Variants in FLNC observed in about 807,000 individuals in gnomAD.
The protein encoded by FLNC is filamin-C.
FLNC carries 91 observed loss-of-function variants against 254.3 expected under a neutral mutation model. That is an observed-to-expected ratio of 0.36 (90% CI 0.30 to 0.43). The LOEUF (loss-of-function observed/expected upper bound fraction) is 0.43. Among genes scored for constraint, FLNC ranks in the 20% least tolerant of loss-of-function variants. The pLI is 1.00. For missense variants in FLNC, 2,853 were observed against 3,802.6 expected, an observed-to-expected ratio of 0.75 and a Z score of 6.57; for synonymous variants, 1,430 against 1,577.2, an observed-to-expected ratio of 0.91 and a Z score of 2.21.
intron 8 of FLNC, among the ~76,000 whole-genome samples, chr7:128,839,010 C>G (rs752696471): frequency 3.7e-4 from 57 of 152,258 alleles, no homozygotes; most frequent in Non-Finnish European, 7.5e-4. Flanking sequence ...GAGGGCTGAG[C>G]GGAAGTGACG....
intron 26 of FLNC, among the ~76,000 whole-genome samples, chr7:128,848,331 C>CACCTTCCTG (rs1808651451): frequency 6.6e-6 from 1 of 152,156 alleles, no homozygotes; most frequent in Admixed American, 6.5e-5. Flanking sequence ...CCTCCCACAG[C>CACCTTCCTG]ACCTTCCTGG....
intron 26 of FLNC, among the ~76,000 whole-genome samples, chr7:128,848,321 C>T (rs1808650935): frequency 6.6e-6 from 1 of 152,138 alleles, no homozygotes; most frequent in South Asian, 2.1e-4. Flanking sequence ...CCTCCTGGAC[C>T]CTCCCACAGC....
chr7:128,856,406 G>A lies in FLNC; in HGVS notation c.7252-112G>A. 1 of 1,412,176 alleles carries A rather than the reference G, an allele frequency of 7.1e-7. No individual in the cohort carries two copies. The highest frequency in any genetic ancestry group is 9.8e-7 in the Non-Finnish European group (1 of 1,015,988). 87.5% of individuals were successfully genotyped at this position (1,412,176 alleles called of 1,614,324 possible). A position where few individuals can be genotyped will look rare whatever the true frequency, so the allele number is the denominator to read the frequency against. ...CAGGCAGGGGCCAGGCTGGGCATGG[G>A]GTGGCAGCAGCCTTTGGGCTGGGCT... On this transcript the variant is annotated intron_variant, in intron 43 of 47. Transcript: ENST00000325888. The surrounding 1 kb of genome is among the most constrained non-coding windows in gnomAD (Gnocchi z 5.9).
At position 128,840,121 on chromosome 7, in the gene FLNC, G is replaced by A. The variant is rs1562993551; in HGVS notation, c.1510G>A (p.Ala504Thr). ...TGACTTCAAGGTGTTTACCAAGGGTGCCGGCAGCGGGGAGCTCAAGGTCAC... is the reference window on the plus strand; with the variant it reads ...TGACTTCAAGGTGTTTACCAAGGGTACCGGCAGCGGGGAGCTCAAGGTCAC... ...VADFKVFTKG[A>T]GSGELKVTVK... The change falls in exon 9 of 48, where the codon GCC becomes ACC. Residue 504 changes from alanine to threonine, a missense_variant. Ala to Thr is a moderately conservative substitution (Grantham distance 58). Coordinates refer to ENST00000325888, the MANE Select transcript of FLNC (RefSeq NM_001458.5). The A allele has an allele frequency of 2.5e-6, 4 of 1,614,110 alleles. No individual in the cohort carries two copies. Among genetic ancestry groups the A allele is most frequent in the Non-Finnish European group, 3.4e-6 (4 of 1,180,042 alleles).
intron 37 of FLNC, 128 bp from the exon 38 acceptor site, chr7:128,853,341 C>A: frequency 1.6e-6 from 2 of 1,217,126 alleles, no homozygotes; most frequent in Non-Finnish European, 2.4e-6. Flanking sequence ...CCCACTGAGC[C>A]ATTTTTGTTA....
chr7:128,853,918 C>T, intron 39 of FLNC, 56 bp from the exon 40 acceptor site: 2 of 1,613,136 alleles, frequency 1.2e-6, no homozygotes, highest in Admixed American at 3.3e-5. Flanking sequence ...CGGGCCTCCA[C>T]CCTGCTTCCT....
rs1809123444 is a variant in FLNC at position 128,857,646 on chromosome 7, T to TCGGTATTGAGCAAGC, written c.7780+311_7780+325dup. Among the ~76,000 whole-genome samples, 1 of 151,630 alleles carries TCGGTATTGAGCAAGC rather than the reference T, an allele frequency of 6.6e-6. No individual in the cohort carries two copies. The highest frequency in any genetic ancestry group is 6.5e-5 in the Admixed American group (1 of 15,278). ...ATTCCTCCGCTCCAAGAAGACACAG[T>TCGGTATTGAGCAAGC]CGGTATTGAGCAAGCTTCCCCTCTT... On this transcript the variant is annotated intron_variant, in intron 46 of 47. Transcript: ENST00000325888. The surrounding 1 kb of genome is among the most constrained non-coding windows in gnomAD (Gnocchi z 4.5).
chr7:128,845,956 C>G (rs773665983), intron 21 of FLNC, 34 bp from the exon 22 acceptor site: 16 of 1,608,898 alleles, frequency 9.9e-6, no homozygotes, highest in African/African-American at 1.3e-5. Context: ...AGGCTGCCCC[C>G]ACCCCTGCTG....
At chr7:128,831,015 G>A in intron 1 of FLNC, 26 bp downstream of exon 1, 1 of 1,597,268 alleles carries the variant, frequency 6.3e-7, no homozygotes, top group Non-Finnish European at 8.5e-7. Context: ...GAGGGCACGG[G>A]CGCTGCGGGG....
chr7:128,853,509 G>C lies in FLNC; in HGVS notation c.6249G>C (p.Lys2083Asn), dbSNP rs1170342172. 11 of 1,613,984 alleles carry C rather than the reference G, an allele frequency of 6.8e-6. No individual in the cohort carries two copies. Among genetic ancestry groups the C allele is most frequent in the Non-Finnish European group, 9.3e-6 (11 of 1,180,034 alleles). The change falls in exon 38 of 48, where the codon AAG becomes AAC. Residue 2083 changes from lysine (K) to asparagine (N), a missense_variant. Transcript: ENST00000325888. ...GLGLSIEGPSKVDINCEDMED... is the reference protein window; with the variant it reads ...GLGLSIEGPSNVDINCEDMED... ...GGCTGAGTATTGAAGGCCCAAGCAA[G>C]GTGGACATCAACTGTGAGGACATGG...
Position 128,856,493 on chromosome 7 carries a change from T to C in FLNC, c.7252-25T>C. ...CTCCAGCCCCGGCCTCCCAGGAGTCTGAGCATCCTCCGTGGCCTTTGCAGG... is the reference window on the plus strand; with the variant it reads ...CTCCAGCCCCGGCCTCCCAGGAGTCCGAGCATCCTCCGTGGCCTTTGCAGG... On this transcript the variant is annotated intron_variant, in intron 43 of 47. Transcript: ENST00000325888. This position sits in a 1 kb window ranked among gnomAD's most constrained non-coding sequence, Gnocchi z 5.9. 6.2e-7 allele frequency: 1 copy of C among 1,609,576 alleles called. No individual in the cohort carries two copies. Among genetic ancestry groups the C allele is most frequent in the South Asian group, 1.1e-5 (1 of 91,082 alleles).
chr7:128,857,172 C>G lies in FLNC; in HGVS notation c.7616C>G (p.Ser2539Cys). ...CTGAATGCCGGCTCGGGGGCCTTGT[C>G]TGTCACCATTGATGGCCCCTCCAAG... is the stretch of plus-strand genomic sequence containing the variant. ...NTLNAGSGALSVTIDGPSKVQ... is the reference protein window; with the variant it reads ...NTLNAGSGALCVTIDGPSKVQ... The change falls in exon 46 of 48, where the codon TCT becomes TGT. Residue 2539 changes from serine to cysteine, a missense_variant. Physicochemically the swap from Ser to Cys is moderately radical, Grantham distance 112. Transcript: ENST00000325888. This position sits in a 1 kb window ranked among gnomAD's most constrained non-coding sequence, Gnocchi z 4.5. The G allele has an allele frequency of 6.2e-7, 1 of 1,614,144 alleles. No individual in the cohort carries two copies. Among genetic ancestry groups the G allele is most frequent in the South Asian group, 1.1e-5 (1 of 91,090 alleles).
At chr7:128,845,750 G>C (rs562918429) in intron 21 of FLNC, among the ~76,000 whole-genome samples, 48 of 151,822 alleles carry the variant, frequency 3.2e-4, no homozygotes, top group Non-Finnish European at 6.0e-4. Context: ...CATGGAGAAG[G>C]GAGTGAAGGC....
chr7:128,834,315 C>G (rs898232328), intron 1 of FLNC, among the ~76,000 whole-genome samples: 4 of 150,342 alleles, frequency 2.7e-5, no homozygotes, highest in African/African-American at 7.4e-5. Flanking sequence ...CTAGGCGCCC[C>G]CCCCCCCCAA....
chr7:128,853,869 G>A, intron 39 of FLNC, 32 bp downstream of exon 39: 1 of 1,613,230 alleles, frequency 6.2e-7, no homozygotes, highest in Non-Finnish European at 8.5e-7. Flanking sequence ...GGTGGGGCGG[G>A]TGGTGGGAGA....
At chr7:128,834,318 C>G (rs375145122) in intron 1 of FLNC, among the ~76,000 whole-genome samples, 1 of 147,816 alleles carries the variant, frequency 6.8e-6, no homozygotes, top group Non-Finnish European at 1.5e-5. Flanking sequence ...GGCGCCCCCC[C>G]CCCCCAAATC....
In FLNC at chr7:128,844,225, C is replaced by T; in HGVS notation, c.3151C>T (p.Pro1051Ser). 6.2e-7 allele frequency: 1 copy of T among 1,611,486 alleles called. No individual in the cohort carries two copies. The highest frequency in any genetic ancestry group is 8.5e-7 in the Non-Finnish European group (1 of 1,178,430). ...CGATGGTCACCCGGTGCCTGGCAGC[C>T]CGTTTGCTGTGGAGGGTGTCCTGCC... ...TYDGHPVPGS[P>S]FAVEGVLPPD... Residue 1051 changes from proline (P) to serine (S), a missense_variant, in exon 20 of 48, where the codon CCG (proline) becomes TCG (serine). Transcript: ENST00000325888.
Position 128,835,503 on chromosome 7 carries a change from C to T in FLNC, c.530C>T (p.Pro177Leu), listed in dbSNP as rs554112179. The T allele has an allele frequency of 6.2e-7, 1 of 1,613,758 alleles. No individual in the cohort carries two copies. Among genetic ancestry groups the T allele is most frequent in the East Asian group, 2.2e-5 (1 of 44,886 alleles). ...GWIQNKVPQL[P>L]ITNFNRDWQD... ...ATCCAGAACAAGGTGCCCCAGCTGC[C>T]CATCACCAACTTCAACCGTGACTGG... The change falls in exon 2 of 48, where the codon CCC (proline) becomes CTC (leucine). Residue 177 changes from proline (P) to leucine (L), a missense_variant. By Grantham distance (98) the Pro-to-Leu change is moderately conservative. Coordinates refer to ENST00000325888, the MANE Select transcript of FLNC (RefSeq NM_001458.5). This position sits in a 1 kb window ranked among gnomAD's most constrained non-coding sequence, Gnocchi z 5.3.
Position 128,830,608 on chromosome 7 carries a change from GC to G in FLNC, c.-26del. The G allele has an allele frequency of 6.2e-7, 1 of 1,605,766 alleles. No homozygotes were observed. Among genetic ancestry groups the G allele is most frequent in the Non-Finnish European group, 8.5e-7 (1 of 1,175,544 alleles). ...CCCGATAGCCCAAACCGCGGCCCTA[GC>G]CCCGGCCGCACCCCCAGCCCGCGCC... On this transcript the variant is annotated 5_prime_UTR_variant, in exon 1 of 48. Coordinates refer to ENST00000325888, the MANE Select transcript of FLNC (RefSeq NM_001458.5).
Sources: allele counts gnomAD v4.1 joint callset (sites outside exome capture counted in the v4.1 genomes callset), GRCh38; gene constraint gnomAD v4.1.1; non-coding constraint Gnocchi (gnomAD v3.1); transcripts MANE v1.5; gene names NCBI Gene and HGNC (gene_info 2026-07-23, HGNC 2026-07-21).